Variants in SPATA17 observed in about 807,000 individuals in gnomAD.
SPATA17 encodes the protein spermatogenesis associated 17.
SPATA17 carries 53 observed loss-of-function variants against 62.2 expected under a neutral mutation model. The observed-to-expected ratio is 0.85, with a 90% CI of 0.68 to 1.07. The LOEUF is 1.07. Ranked by LOEUF, SPATA17 falls within the 50% of genes least tolerant of loss-of-function variation. SPATA17 has a pLI of 0.00. For synonymous variants in SPATA17, 146 were observed against 146.8 expected (o/e 0.99, Z 0.04); for missense variants, 466 against 425.5 (o/e 1.10, Z -0.84).
chr1:217,752,796 G>A (rs1672946220), intron 6 of SPATA17, among the ~76,000 whole-genome samples: 1 of 152,082 alleles, frequency 6.6e-6, no homozygotes, highest in Non-Finnish European at 1.5e-5. Flanking sequence ...CTTCCATGAT[G>A]AGGCACTTTA....
chr1:217,654,427 C>T (rs1670392162), intron 3 of SPATA17, among the ~76,000 whole-genome samples: 2 of 152,060 alleles, frequency 1.3e-5, no homozygotes, highest in Admixed American at 1.3e-4. Flanking sequence ...GCCCAGGTGG[C>T]ATAAGATTTT....
chr1:217,791,737 A>G (rs1673998752), intron 8 of SPATA17, among the ~76,000 whole-genome samples: 1 of 152,218 alleles, frequency 6.6e-6, no homozygotes, highest in African/African-American at 2.4e-5. Flanking sequence ...AGAGACATTC[A>G]TAAGACCAGC....
At chr1:217,845,462 T>C (rs2103008831) in intron 9 of SPATA17, among the ~76,000 whole-genome samples, 1 of 152,188 alleles carries the variant, frequency 6.6e-6, no homozygotes, top group African/African-American at 2.4e-5. Context: ...GAAATTATAG[T>C]TCTAACTGGT....
At chr1:217,713,846 G>A (rs1037933884) in intron 5 of SPATA17, among the ~76,000 whole-genome samples, 2 of 152,086 alleles carry the variant, frequency 1.3e-5, no homozygotes, top group South Asian at 2.1e-4. Context: ...AATATATTAC[G>A]CTACTTCATG....
intron 3 of SPATA17, among the ~76,000 whole-genome samples, chr1:217,659,713 A>G (rs1670524846): frequency 6.6e-6 from 1 of 152,042 alleles, no homozygotes; most frequent in Admixed American, 6.6e-5. Context: ...CTCGTCCTAT[A>G]TTTCTTTTTT....
At position 217,777,542 on chromosome 1, in the gene SPATA17, C is replaced by A. The variant is rs376203178; in HGVS notation, c.723+3005C>A. Among the ~76,000 whole-genome samples the A allele has an allele frequency of 1.6e-3, 241 of 152,142 alleles. 1 individual carries two copies. Among genetic ancestry groups the A allele is most frequent in the African/African-American group, 5.6e-3 (233 of 41,450 alleles). The stretch of plus-strand genomic sequence containing the variant: ...TCAGCCTCCCAAGTAGCTGGTATTA[C>A]AGGCACCTGCCACCATGCCCTGCTA... On this transcript the variant is annotated intron_variant, in intron 7 of 10. Transcript: ENST00000366933.
At chr1:217,779,246 T>C in intron 7 of SPATA17, among the ~76,000 whole-genome samples, 1 of 151,702 alleles carries the variant, frequency 6.6e-6, no homozygotes, top group Admixed American at 6.6e-5. Flanking sequence ...TTAAAAAATA[T>C]GTATTTATAT....
chr1:217,643,091 C>T (rs1247494890), intron 1 of SPATA17, among the ~76,000 whole-genome samples: 1 of 152,110 alleles, frequency 6.6e-6, no homozygotes, highest in Non-Finnish European at 1.5e-5. Flanking sequence ...ATTTCTCTAC[C>T]TATTGATGAA....
intron 9 of SPATA17, among the ~76,000 whole-genome samples, chr1:217,828,179 A>G (rs1030975455): frequency 1.3e-5 from 2 of 152,172 alleles, no homozygotes; most frequent in Non-Finnish European, 2.9e-5. Flanking sequence ...TTAAAGTTAT[A>G]TTACAAAACT....
intron 8 of SPATA17, among the ~76,000 whole-genome samples, chr1:217,786,780 C>CTTA (rs1230578269): frequency 6.8e-6 from 1 of 147,588 alleles, no homozygotes; most frequent in Non-Finnish European, 1.5e-5. Context: ...TCTTCTTCTT[C>CTTA]TTCTTCTTCT....
intron 5 of SPATA17, among the ~76,000 whole-genome samples, chr1:217,702,032 GTATATATA>G (rs10631525): frequency 6.8e-6 from 1 of 147,794 alleles, no homozygotes; most frequent in African/African-American, 2.5e-5. Flanking sequence ...AAAATTTGGT[GTATATATA>G]TATATATATA....
chr1:217,791,553 A>T (rs192063079), intron 8 of SPATA17, among the ~76,000 whole-genome samples: 33 of 152,342 alleles, frequency 2.2e-4, no homozygotes, highest in African/African-American at 7.2e-4. Flanking sequence ...ACCACAGAAT[A>T]CTAGAATTCT....
intron 3 of SPATA17, among the ~76,000 whole-genome samples, chr1:217,660,901 T>G (rs1293358767): frequency 6.6e-6 from 1 of 152,224 alleles, no homozygotes; most frequent in East Asian, 1.9e-4. Flanking sequence ...ACATTCTGAA[T>G]GGGTTACTCG....
intron 8 of SPATA17, among the ~76,000 whole-genome samples, chr1:217,793,703 T>A (rs530026347): frequency 4.5e-4 from 69 of 152,154 alleles, no homozygotes; most frequent in African/African-American, 1.6e-3. Flanking sequence ...ATTGGCAGAA[T>A]ACGAGTCAGT....
At chr1:217,671,016 AAAT>A (rs914621700) in intron 4 of SPATA17, among the ~76,000 whole-genome samples, 2 of 151,904 alleles carry the variant, frequency 1.3e-5, no homozygotes, top group African/African-American at 4.8e-5. Flanking sequence ...GCTTACTGCA[AAAT>A]AATAATAATA....
Position 217,774,465 on chromosome 1 carries a change from G to A in SPATA17, c.651G>A (p.Trp217Ter), listed in dbSNP as rs981395897. ...KQKDSTSLTD[W>*]LACTSARSFP... ...AGGACTCCACCAGCCTTACTGATTGGCTAGCTTGTACAAGCGCCCGTTCTT... is the reference window on the plus strand; with the variant it reads ...AGGACTCCACCAGCCTTACTGATTGACTAGCTTGTACAAGCGCCCGTTCTT... Residue 217 changes from tryptophan to a stop codon, truncating the protein, a stop_gained, in exon 7 of 11, where the codon TGG becomes TGA. Transcript: ENST00000366933. LOFTEE classifies it high-confidence loss of function. 2.5e-6 allele frequency: 4 copies of A among 1,613,974 alleles called. No individual in the cohort carries two copies. In the East Asian group the frequency reaches 8.9e-5, roughly 36 times the overall value.
chr1:217,846,916 C>A (rs1015329669), intron 9 of SPATA17, among the ~76,000 whole-genome samples: 1 of 151,916 alleles, frequency 6.6e-6, no homozygotes, highest in African/African-American at 2.4e-5. Flanking sequence ...AAAGTGATAT[C>A]AACTAATTAG....
chr1:217,849,289 A>T (rs542172767), intron 9 of SPATA17, among the ~76,000 whole-genome samples: 1 of 152,212 alleles, frequency 6.6e-6, no homozygotes, highest in Admixed American at 6.5e-5. Context: ...TGTAGAAGTG[A>T]CTTTCTGTGG....
intron 9 of SPATA17, among the ~76,000 whole-genome samples, chr1:217,828,930 G>A (rs886422053): frequency 2.6e-5 from 4 of 152,200 alleles, no homozygotes; most frequent in Non-Finnish European, 2.9e-5. Flanking sequence ...TTATCAAAAA[G>A]ATAAGAGATA....
Sources: gnomAD v4.1 joint callset for allele counts (sites outside exome capture counted in the v4.1 genomes callset) on GRCh38, gnomAD v4.1.1 for gene constraint, MANE v1.5 for transcripts, NCBI Gene and HGNC (gene_info 2026-07-23, HGNC 2026-07-21) for gene names.